The following CHN2 variants were observed in gnomAD, a reference collection of about 807,000 sequenced individuals.
CHN2 encodes chimerin 2.
CHN2 carries 35 observed loss-of-function variants against 56.3 expected under a neutral mutation model. The observed-to-expected ratio is 0.62, with a 90% CI of 0.47 to 0.82. CHN2 has a LOEUF of 0.82. CHN2 is among the 40% of genes least tolerant of loss of function. The pLI, the probability that CHN2 is intolerant of heterozygous loss-of-function variation, is 0.00. For missense variants in CHN2, 491 were observed against 580.5 expected (o/e 0.85, Z 1.58); for synonymous variants, 210 against 212.8 (o/e 0.99, Z 0.12).
upstream of CHN2, chr7:29,191,793 AGAT>A (rs1782927924): frequency 6.6e-6 from 1 of 152,382 alleles, no homozygotes; most frequent in South Asian, 2.1e-4. Flanking sequence ...TGAATAAAAT[AGAT>A]GATAACTTTT....
chr7:29,382,780 A>G (rs1181043623), intron 3 of CHN2, among the ~76,000 whole-genome samples: 1 of 152,226 alleles, frequency 6.6e-6, no homozygotes, highest in Non-Finnish European at 1.5e-5. Context: ...TTTAAATTAA[A>G]TCAGTGAGAT....
At position 29,432,815 on chromosome 7, in the gene CHN2, C is replaced by A. The variant is rs141493364; in HGVS notation, c.576+31987C>A. 1.1e-4 allele frequency among the ~76,000 whole-genome samples: 16 copies of A among 152,282 alleles called. No homozygotes were observed. In the East Asian group the frequency reaches 3.1e-3, roughly 29 times the overall value. Reference sequence around the variant, plus strand: ...TTCATCGTTAGGGTATTTTCAGCAGCTGTCCCTGGCCTTTTGGAATATAAT... The same window carrying A: ...TTCATCGTTAGGGTATTTTCAGCAGATGTCCCTGGCCTTTTGGAATATAAT... On this transcript the variant is annotated intron_variant, in intron 6 of 12. Transcript: ENST00000222792.
chr7:29,170,353 G>A (rs1796437436), intron 2 of CHN2, among the ~76,000 whole-genome samples: 1 of 152,142 alleles, frequency 6.6e-6, no homozygotes, highest in South Asian at 2.1e-4. Context: ...TTTCCTTCAT[G>A]TCAGTGTTCC....
chr7:29,425,946 TAC>T (rs1179686399), intron 6 of CHN2, among the ~76,000 whole-genome samples: 2 of 151,886 alleles, frequency 1.3e-5, no homozygotes, highest in African/African-American at 4.8e-5. Flanking sequence ...TGTGGTAGCT[TAC>T]ACCTGTAATC....
intron 1 of CHN2, among the ~76,000 whole-genome samples, chr7:29,315,756 GA>G (rs1794911484): frequency 6.6e-6 from 1 of 151,910 alleles, no homozygotes; most frequent in African/African-American, 2.4e-5. Context: ...GTGAATAAAA[GA>G]AAAAAAGTTA....
At chr7:29,237,623 A>T (rs1293982132) in intron 1 of CHN2, among the ~76,000 whole-genome samples, 1 of 152,096 alleles carries the variant, frequency 6.6e-6, no homozygotes, top group Non-Finnish European at 1.5e-5. Flanking sequence ...CCAACATCTA[A>T]CCTCTAGGCT....
At chr7:29,345,731 G>A (rs1340217742) in intron 1 of CHN2, among the ~76,000 whole-genome samples, 1 of 152,058 alleles carries the variant, frequency 6.6e-6, no homozygotes, top group Non-Finnish European at 1.5e-5. Flanking sequence ...CCTGTTGAAT[G>A]GGAGAATCTC....
At chr7:29,355,870 A>G (rs755182810) in intron 2 of CHN2, among the ~76,000 whole-genome samples, 26 of 122,854 alleles carry the variant, frequency 2.1e-4, no homozygotes, top group Non-Finnish European at 3.3e-4. Flanking sequence ...TGCAACCTCC[A>G]CCTCCCGGGC....
chr7:29,497,426 G>A (rs540584797), intron 8 of CHN2, among the ~76,000 whole-genome samples: 120 of 151,986 alleles, frequency 7.9e-4, no homozygotes, highest in African/African-American at 2.8e-3. Context: ...CATATTAGCT[G>A]TGAACAGCAA....
intron 6 of CHN2, among the ~76,000 whole-genome samples, chr7:29,470,841 G>C (rs1187079920): frequency 6.6e-6 from 1 of 152,156 alleles, no homozygotes; most frequent in African/African-American, 2.4e-5. Flanking sequence ...CTTGACTTTT[G>C]TAGGAAAACC....
At chr7:29,206,315 T>C (rs1784514824) in intron 1 of CHN2, among the ~76,000 whole-genome samples, 1 of 152,082 alleles carries the variant, frequency 6.6e-6, no homozygotes, top group South Asian at 2.1e-4. Flanking sequence ...TGGAAAAAAC[T>C]CTATCGCCCA....
At chr7:29,328,980 A>C (rs7786954) in intron 1 of CHN2, among the ~76,000 whole-genome samples, 1 of 152,242 alleles carries the variant, frequency 6.6e-6, no homozygotes, top group African/African-American at 2.4e-5. Context: ...CATTTGGGGC[A>C]CCATTAACTG....
chr7:29,320,540 G>C (rs988440742), intron 1 of CHN2, among the ~76,000 whole-genome samples: 1 of 152,062 alleles, frequency 6.6e-6, no homozygotes, highest in Non-Finnish European at 1.5e-5. Flanking sequence ...AAATATGAAA[G>C]AAACATCAAA....
At chr7:29,409,227 C>G (rs572056335) in intron 6 of CHN2, among the ~76,000 whole-genome samples, 1 of 152,126 alleles carries the variant, frequency 6.6e-6, no homozygotes, top group Non-Finnish European at 1.5e-5. Flanking sequence ...TCAAACTTCT[C>G]GGCCTCAGGA....
At chr7:29,167,828 T>G (rs1366904489) in intron 2 of CHN2, among the ~76,000 whole-genome samples, 1 of 152,226 alleles carries the variant, frequency 6.6e-6, no homozygotes, top group Admixed American at 6.5e-5. Context: ...TGAGTGAGTT[T>G]GACTTGTAAT....
chr7:29,509,240 C>T (rs1790984185), intron 11 of CHN2, 61 bp from the exon 12 acceptor site: 4 of 1,290,626 alleles, frequency 3.1e-6, no homozygotes, highest in Non-Finnish European at 4.5e-6. Context: ...CTTCTTGTTA[C>T]TTCTCTGAAA....
chr7:29,458,279 C>T (rs771030335), intron 6 of CHN2, among the ~76,000 whole-genome samples: 3 of 151,950 alleles, frequency 2.0e-5, no homozygotes, highest in Non-Finnish European at 2.9e-5. Flanking sequence ...TATGCTGACT[C>T]CATTTGAATC....
chr7:29,313,877 G>A (rs532436582), intron 1 of CHN2, among the ~76,000 whole-genome samples: 1 of 152,304 alleles, frequency 6.6e-6, no homozygotes, highest in Admixed American at 6.5e-5. Context: ...GAGCTCCTTG[G>A]AGTCACAGGC....
chr7:29,342,779 A>C (rs1364126684), intron 1 of CHN2, among the ~76,000 whole-genome samples: 1 of 152,228 alleles, frequency 6.6e-6, no homozygotes, highest in Non-Finnish European at 1.5e-5. Flanking sequence ...TCTTGCCCTT[A>C]TAACACTCCG....
Sources: gnomAD v4.1 joint callset for allele counts (sites outside exome capture counted in the v4.1 genomes callset) on GRCh38, gnomAD v4.1.1 for gene constraint, MANE v1.5 for transcripts, NCBI Gene and HGNC (gene_info 2026-07-23, HGNC 2026-07-21) for gene names.